MYO18A: variants seen among roughly 807,000 people sequenced by gnomAD.
MYO18A encodes the protein myosin XVIIIA.
A neutral mutation model predicts 235.8 loss-of-function variants in MYO18A; 78 were observed. The ratio of observed to expected loss-of-function variants is 0.33; its 90% confidence interval spans 0.28 to 0.40. The LOEUF (loss-of-function observed/expected upper bound fraction) is 0.40. Ranked by LOEUF, MYO18A falls within the 10% of genes least tolerant of loss-of-function variation. The pLI, the probability that MYO18A is intolerant of heterozygous loss-of-function variation, is 1.00. For missense variants in MYO18A, 2,215 were observed against 2,699.3 expected, an observed-to-expected ratio of 0.82 and a Z score of 3.98; for synonymous variants, 977 against 1,077.8, an observed-to-expected ratio of 0.91 and a Z score of 1.83.
At chr17:29,174,239 C>T (rs377582933) in intron 1 of MYO18A, among the ~76,000 whole-genome samples, 22 of 152,320 alleles carry the variant, frequency 1.4e-4, no homozygotes, top group African/African-American at 4.8e-4. Flanking sequence ...GGTGCAGCGG[C>T]TCAGGCCTCT....
Position 29,133,664 on chromosome 17 carries a change from C to A in MYO18A, c.1000-11411G>T, listed in dbSNP as rs935728331. 11 of 559,082 alleles carry A rather than the reference C, an allele frequency of 2.0e-5. No individual in the cohort carries two copies. The Admixed American group carries it at 2.9e-4, about 15-fold the overall frequency. The allele number at this position is 559,082 out of a possible 1,614,324, so 34.6% of individuals were successfully genotyped here. On this transcript the variant is annotated intron_variant, in intron 2 of 41. Coordinates refer to ENST00000527372, the MANE Select transcript of MYO18A (RefSeq NM_078471.4). ...CCAGCCCCCGTCATTCTCCCTGCCA[C>A]CCCCAATTATACACACATGCCCCAA... is the stretch of plus-strand genomic sequence containing the variant.
chr17:29,097,587 C>T (rs2066551159), intron 26 of MYO18A, among the ~76,000 whole-genome samples: 1 of 152,246 alleles, frequency 6.6e-6, no homozygotes, highest in South Asian at 2.1e-4. Flanking sequence ...CCACGGCCCT[C>T]AGTCTTTGTC....
At chr17:29,114,709 G>A (rs2067014273) in intron 14 of MYO18A, among the ~76,000 whole-genome samples, 198 bp downstream of exon 14, 1 of 152,224 alleles carries the variant, frequency 6.6e-6, no homozygotes, top group African/African-American at 2.4e-5. Flanking sequence ...GCTTCCTGGA[G>A]AGTAAACTCT....
intron 1 of MYO18A, among the ~76,000 whole-genome samples, chr17:29,171,494 G>T (rs1466259167): frequency 6.6e-6 from 1 of 151,696 alleles, no homozygotes; most frequent in Admixed American, 6.6e-5. Flanking sequence ...CAAAAGAAAA[G>T]AACTATAAAC....
At chr17:29,132,405 T>A (rs2067494103) in intron 2 of MYO18A, among the ~76,000 whole-genome samples, 1 of 152,202 alleles carries the variant, frequency 6.6e-6, no homozygotes, top group South Asian at 2.1e-4. Context: ...TCCTATGGAT[T>A]TAATTTCTCC....
chr17:29,085,609 A>T lies in MYO18A; in HGVS notation c.5892T>A (p.Asn1964Lys). The T allele has an allele frequency of 6.2e-7, 1 of 1,613,984 alleles. No individual in the cohort carries two copies. The highest frequency in any genetic ancestry group is 8.5e-7 in the Non-Finnish European group (1 of 1,179,874). ...ACATGCGCTCCAGTCCTCACAGTTT[A>T]TTCTTTCTTTTCTGATACTTTGTCA... ...DMVTKYQKRK[N>K]KLEGDSDVDS... The change falls in exon 40 of 42, where the codon AAT becomes AAA. Residue 1964 changes from asparagine (N) to lysine (K), a missense_variant. Transcript: ENST00000527372.
intron 15 of MYO18A, among the ~76,000 whole-genome samples, chr17:29,113,660 C>T (rs971714169): frequency 2.6e-5 from 4 of 152,172 alleles, no homozygotes; most frequent in African/African-American, 9.7e-5. Flanking sequence ...GACTGGTCAC[C>T]AGGGCTCCTA....
At chr17:29,168,944 C>T (rs1399748077) in intron 1 of MYO18A, among the ~76,000 whole-genome samples, 2 of 152,212 alleles carry the variant, frequency 1.3e-5, no homozygotes, top group East Asian at 3.9e-4. Context: ...CCGAGGTGGG[C>T]GGATCACCAG....
In MYO18A at chr17:29,094,767, G is replaced by A. The variant is rs561703035; in HGVS notation, c.4593C>T (p.Ser1531=). The A allele has an allele frequency of 1.2e-6, 2 of 1,613,998 alleles. No individual in the cohort carries two copies. The highest frequency in any genetic ancestry group is 1.1e-5 in the South Asian group (1 of 91,086). The change falls in exon 30 of 42, where the codon TCC becomes TCT. Residue 1531 remains serine, a synonymous_variant. Coordinates refer to ENST00000527372, the MANE Select transcript of MYO18A (RefSeq NM_078471.4). ...AELQDISSQE[S]KDEASLAKVK... is the part of the protein sequence containing the mutation. ...CCTTGGCCAGAGAAGCCTCATCCTT[G>A]GACTCTTGGGAAGAAATGTCCTGGA...
intron 26 of MYO18A, 140 bp from the exon 27 acceptor site, chr17:29,097,490 C>A: frequency 8.4e-7 from 1 of 1,183,478 alleles, no homozygotes; most frequent in East Asian, 2.4e-5. Context: ...ATGGCTTCCT[C>A]CCAAGGCAGA....
At position 29,111,953 on chromosome 17, in the gene MYO18A, T is replaced by A. The variant is rs1371743582; in HGVS notation, c.2599-90A>T. 1 of 1,477,598 alleles carries A rather than the reference T, an allele frequency of 6.8e-7. No homozygotes were observed. The highest frequency in any genetic ancestry group is 2.1e-5 in the Admixed American group (1 of 47,284). 91.5% of individuals were successfully genotyped at this position (1,477,598 alleles called of 1,614,324 possible). ...CCGGGCCCAAACACACCCTACAGAA[T>A]GCTACACATGTGCACACATGCACAC... On this transcript the variant is annotated intron_variant, in intron 15 of 41. Transcript: ENST00000527372. This position sits in a 1 kb window ranked among gnomAD's most constrained non-coding sequence, Gnocchi z 5.1.
chr17:29,080,219 T>G (rs973197160), intron 41 of MYO18A: 2 of 985,894 alleles, frequency 2.0e-6, no homozygotes, highest in African/African-American at 3.5e-5. Flanking sequence ...GGCTCCAGGC[T>G]GCTCCGCTGG....
intron 2 of MYO18A, among the ~76,000 whole-genome samples, chr17:29,137,686 A>G (rs1000552432): frequency 6.6e-6 from 1 of 152,240 alleles, no homozygotes; most frequent in African/African-American, 2.4e-5. Flanking sequence ...AGAAATGGTT[A>G]GGTACAACCC....
intron 18 of MYO18A, 125 bp from the exon 19 acceptor site, chr17:29,110,226 TAAAC>T: frequency 7.1e-7 from 1 of 1,409,388 alleles, no homozygotes; most frequent in Non-Finnish European, 9.5e-7. Context: ...CAGGACATGC[TAAAC>T]CTGGACAACT....
At chr17:29,164,281 A>G (rs532172060) in intron 2 of MYO18A, among the ~76,000 whole-genome samples, 1 of 152,324 alleles carries the variant, frequency 6.6e-6, no homozygotes, top group East Asian at 1.9e-4. Flanking sequence ...TGGCTAAAAC[A>G]TAGTAGGTGC....
At chr17:29,148,882 G>T (rs2067907682) in intron 2 of MYO18A, among the ~76,000 whole-genome samples, 1 of 152,186 alleles carries the variant, frequency 6.6e-6, no homozygotes, top group Non-Finnish European at 1.5e-5. Flanking sequence ...CTCTGTGAGG[G>T]CCGAGTCAGC....
chr17:29,163,978 C>T (rs1379322543), intron 2 of MYO18A, among the ~76,000 whole-genome samples: 1 of 152,260 alleles, frequency 6.6e-6, no homozygotes, highest in Non-Finnish European at 1.5e-5. Context: ...CAACTTCCGC[C>T]TCCCGGGTTC....
At chr17:29,080,726 C>A in intron 41 of MYO18A, 4 of 985,564 alleles carry the variant, frequency 4.1e-6, no homozygotes, top group Non-Finnish European at 4.8e-6. Context: ...TTCTGCGGCC[C>A]CCGGCCAGCG....
chr17:29,129,276 C>T (rs868492087), intron 2 of MYO18A, among the ~76,000 whole-genome samples: 9 of 152,202 alleles, frequency 5.9e-5, no homozygotes, highest in African/African-American at 2.2e-4. Context: ...CTTCAGCCTG[C>T]TTTCTGCCAG....
Sources: allele counts gnomAD v4.1 joint callset (sites outside exome capture counted in the v4.1 genomes callset), GRCh38; gene constraint gnomAD v4.1.1; non-coding constraint Gnocchi (gnomAD v3.1); transcripts MANE v1.5; gene names NCBI Gene and HGNC (gene_info 2026-07-23, HGNC 2026-07-21).